RIMS2: variants seen among roughly 807,000 people sequenced by gnomAD.
RIMS2 encodes regulating synaptic membrane exocytosis 2.
A neutral mutation model predicts 174.4 loss-of-function variants in RIMS2; 59 were observed. The ratio of observed to expected loss-of-function variants is 0.34; its 90% CI spans 0.27 to 0.42. The LOEUF (loss-of-function observed/expected upper bound fraction) is 0.42. Among genes scored for constraint, RIMS2 ranks in the 10% least tolerant of loss-of-function variants. The pLI, the probability that RIMS2 is intolerant of heterozygous loss-of-function variation, is 1.00. For synonymous variants in RIMS2, 606 were observed against 572.5 expected, an observed-to-expected ratio of 1.06 and a Z score of -0.84; for missense variants, 1,620 against 1,666.3, an observed-to-expected ratio of 0.97 and a Z score of 0.48.
chr8:103,962,480 C>G (rs1327137861), intron 15 of RIMS2, among the ~76,000 whole-genome samples: 3 of 152,154 alleles, frequency 2.0e-5, no homozygotes, highest in Non-Finnish European at 4.4e-5. Context: ...TTTTGCCAGT[C>G]AGAAACTGTC....
intron 14 of RIMS2, among the ~76,000 whole-genome samples, chr8:103,955,202 A>G (rs1296684124): frequency 2.0e-5 from 3 of 152,208 alleles, no homozygotes; most frequent in Admixed American, 6.5e-5. Context: ...TCCTTCTGAA[A>G]CTACCCCAAA....
intron 3 of RIMS2, among the ~76,000 whole-genome samples, chr8:103,814,278 A>C (rs2098705593): frequency 6.6e-6 from 1 of 152,076 alleles, no homozygotes; most frequent in African/African-American, 2.4e-5. Context: ...GGAGAGGTAC[A>C]GGAGTAATAA....
chr8:103,517,021 C>T (rs1829330492), intron 1 of RIMS2, among the ~76,000 whole-genome samples: 1 of 152,154 alleles, frequency 6.6e-6, no homozygotes, highest in South Asian at 2.1e-4. Flanking sequence ...GCATTTTGAG[C>T]ATCTGTTCTA....
At chr8:103,684,009 A>G (rs965168270) in intron 1 of RIMS2, among the ~76,000 whole-genome samples, 1 of 152,188 alleles carries the variant, frequency 6.6e-6, no homozygotes, top group East Asian at 1.9e-4. Flanking sequence ...CTGGAATTTT[A>G]TCTGTTAATT....
At chr8:104,138,057 TG>T (rs2098536093) in intron 19 of RIMS2, among the ~76,000 whole-genome samples, 1 of 152,218 alleles carries the variant, frequency 6.6e-6, no homozygotes, top group Non-Finnish European at 1.5e-5. Context: ...TGTCTTTCTG[TG>T]GCTGGCCTAT....
rs986687427 is a variant in RIMS2 at position 104,148,402 on chromosome 8, A to T, written c.3335-96514A>T. ...CTTTGACAGCAGAAATAAAATCATA[A>T]ATCTGATTTTGCATATTTGCTCTAA... is the stretch of plus-strand genomic sequence containing the variant. On this transcript the variant is annotated intron_variant, in intron 19 of 23. Transcript: ENST00000504942. Among the ~76,000 whole-genome samples the T allele has an allele frequency of 2.0e-5, 3 of 152,174 alleles. No homozygotes were observed. The East Asian group carries it at 5.8e-4, about 29-fold the overall frequency.
chr8:103,881,601 A>G (rs1455712576), intron 3 of RIMS2, among the ~76,000 whole-genome samples: 2 of 151,500 alleles, frequency 1.3e-5, no homozygotes, highest in East Asian at 1.9e-4. Flanking sequence ...AGGATTTCCT[A>G]CGCAAACTAT....
chr8:103,608,374 GA>G (rs2095227087), intron 1 of RIMS2, among the ~76,000 whole-genome samples: 1 of 143,552 alleles, frequency 7.0e-6, no homozygotes, highest in East Asian at 1.9e-4. Context: ...TGCGTACTGG[GA>G]GAACCACTGC....
chr8:103,892,778 G>C (rs767346797), intron 4 of RIMS2, among the ~76,000 whole-genome samples: 1 of 151,936 alleles, frequency 6.6e-6, no homozygotes, highest in Non-Finnish European at 1.5e-5. Context: ...CTGAAGTGCT[G>C]GGATTATAGC....
chr8:103,975,393 A>G (rs757036747), exon 16 of RIMS2: 1 of 1,612,638 alleles, frequency 6.2e-7, no homozygotes, highest in Admixed American at 1.7e-5. Context: ...CAACATTATC[A>G]GTGCCAGAAC....
chr8:103,912,578 C>G (rs955775207), intron 6 of RIMS2, among the ~76,000 whole-genome samples: 2 of 151,872 alleles, frequency 1.3e-5, no homozygotes, highest in African/African-American at 4.8e-5. Context: ...ATGTATATTG[C>G]ATATGTGTAT....
At chr8:104,123,637 C>T (rs2098403730) in intron 19 of RIMS2, among the ~76,000 whole-genome samples, 1 of 135,200 alleles carries the variant, frequency 7.4e-6, no homozygotes, top group Non-Finnish European at 1.6e-5. Flanking sequence ...AAATGTAAAA[C>T]ATTGGTAGAT....
Position 103,649,573 on chromosome 8 carries a change from ACCCTAATGAGTCTTAGGTTCTGTCTTTT to A in RIMS2, c.177-47512_177-47485del, listed in dbSNP as rs1246936791. On this transcript the variant is annotated intron_variant, in intron 1 of 23. Coordinates refer to ENST00000504942, the Ensembl canonical transcript of RIMS2. ...TCCATTCTCCCCATCTCTTTCAGGT[ACCCTAATGAGTCTTAGGTTCTGTCTTTT>A]TAAATAATTTCATATTTTTTGGAGG... Among the ~76,000 whole-genome samples, 17 of 150,790 alleles carry A rather than the reference ACCCTAATGAGTCTTAGGTTCTGTCTTTT, an allele frequency of 1.1e-4. No homozygotes were observed. In the East Asian group the frequency reaches 3.1e-3, roughly 28 times the overall value.
At chr8:103,612,476 A>G (rs1428912698) in intron 1 of RIMS2, among the ~76,000 whole-genome samples, 1 of 152,224 alleles carries the variant, frequency 6.6e-6, no homozygotes, top group Non-Finnish European at 1.5e-5. Flanking sequence ...CTTAGGCCCA[A>G]TACCACCGTG....
At chr8:104,252,329 A>T (rs1056157200), downstream of RIMS2, 2 of 161,814 alleles carry the variant, frequency 1.2e-5, no homozygotes, top group African/African-American at 4.8e-5. Context: ...CTGGGCGGGA[A>T]TCAGAGCAGT....
At chr8:103,811,675 G>C (rs1350595775) in intron 3 of RIMS2, among the ~76,000 whole-genome samples, 2 of 152,092 alleles carry the variant, frequency 1.3e-5, no homozygotes, top group East Asian at 3.9e-4. Context: ...CAAACTCCTG[G>C]CCTCAGGTGA....
chr8:103,677,807 C>T (rs548062846), intron 1 of RIMS2, among the ~76,000 whole-genome samples: 1 of 151,622 alleles, frequency 6.6e-6, no homozygotes. Flanking sequence ...GGAAAAGATT[C>T]GTGGACAAAA....
intron 19 of RIMS2, among the ~76,000 whole-genome samples, chr8:104,082,329 A>G (rs745960788): frequency 1.3e-5 from 2 of 152,184 alleles, no homozygotes; most frequent in Non-Finnish European, 2.9e-5. Flanking sequence ...ACGCATGTAC[A>G]TAAGTAATGA....
intron 4 of RIMS2, among the ~76,000 whole-genome samples, chr8:103,908,264 A>G (rs2074933291): frequency 6.6e-6 from 1 of 151,834 alleles, no homozygotes; most frequent in Non-Finnish European, 1.5e-5. Flanking sequence ...GATGATCTCC[A>G]TCTCTTGACC....
Sources: gnomAD v4.1 joint callset for allele counts (sites outside exome capture counted in the v4.1 genomes callset) on GRCh38, gnomAD v4.1.1 for gene constraint, MANE v1.5 for transcripts, NCBI Gene and HGNC (gene_info 2026-07-23, HGNC 2026-07-21) for gene names.